Variants in TSPAN18 observed in about 807,000 individuals in gnomAD.
TSPAN18 encodes the protein tetraspanin 18.
A neutral mutation model predicts 27.3 loss-of-function variants in TSPAN18; 14 were observed. The observed-to-expected ratio is 0.51, with a 90% CI of 0.34 to 0.80. The LOEUF (loss-of-function observed/expected upper bound fraction) is 0.80, where lower values mean the gene tolerates loss of function less well. Among genes scored for constraint, TSPAN18 ranks in the 30% least tolerant of loss-of-function variants. The pLI is 0.01. For missense variants in TSPAN18, 268 were observed against 323.9 expected (o/e 0.83, Z 1.32); for synonymous variants, 143 against 136.5 (o/e 1.05, Z -0.33).
intron 2 of TSPAN18, among the ~76,000 whole-genome samples, chr11:44,835,610 CA>C (rs1338094241): frequency 1.3e-4 from 20 of 151,092 alleles, no homozygotes; most frequent in Non-Finnish European, 2.8e-4. Flanking sequence ...TTCTCACAAA[CA>C]CATTGTATTT....
intron 1 of TSPAN18, among the ~76,000 whole-genome samples, chr11:44,752,461 C>T (rs1855234432): frequency 6.6e-6 from 1 of 152,098 alleles, no homozygotes; most frequent in African/African-American, 2.4e-5. Context: ...GGCAACAGAG[C>T]ACCTTTCTGT....
chr11:44,880,443 G>A (rs1172912429), intron 3 of TSPAN18, among the ~76,000 whole-genome samples: 1 of 152,212 alleles, frequency 6.6e-6, no homozygotes, highest in African/African-American at 2.4e-5. Context: ...AAATGAGGAT[G>A]ATAGTGATGT....
At chr11:44,807,262 C>A (rs1230305728) in intron 2 of TSPAN18, among the ~76,000 whole-genome samples, 1 of 141,604 alleles carries the variant, frequency 7.1e-6, no homozygotes, top group Non-Finnish European at 1.5e-5. Flanking sequence ...GGCACCGTGG[C>A]TCATGCCTAT....
At chr11:44,734,630 C>T (rs1854743367) in intron 1 of TSPAN18, among the ~76,000 whole-genome samples, 1 of 152,236 alleles carries the variant, frequency 6.6e-6, no homozygotes, top group East Asian at 1.9e-4. Flanking sequence ...TTCCCAGCAA[C>T]CTTGGGCTGG....
At chr11:44,864,332 C>A (rs1407038209) in intron 3 of TSPAN18, among the ~76,000 whole-genome samples, 1 of 150,932 alleles carries the variant, frequency 6.6e-6, no homozygotes, top group African/African-American at 2.4e-5. Context: ...GGGTGTCACA[C>A]CCCTCCCATC....
chr11:44,742,149 G>A (rs1004863927), intron 1 of TSPAN18, among the ~76,000 whole-genome samples: 6 of 152,082 alleles, frequency 3.9e-5, no homozygotes, highest in African/African-American at 1.4e-4. Flanking sequence ...CTGAAGCATA[G>A]CAAGACCTGG....
intron 2 of TSPAN18, among the ~76,000 whole-genome samples, chr11:44,776,285 C>T (rs560262174): frequency 2.6e-4 from 40 of 152,282 alleles, no homozygotes; most frequent in African/African-American, 9.4e-4. Context: ...AAGATTGGCC[C>T]GAGTCACATC....
At chr11:44,779,559 A>G (rs1173059784) in intron 2 of TSPAN18, among the ~76,000 whole-genome samples, 2 of 152,292 alleles carry the variant, frequency 1.3e-5, no homozygotes, top group Admixed American at 1.3e-4. Context: ...GTATACCACC[A>G]TGGCCTTGTG....
intron 5 of TSPAN18, among the ~76,000 whole-genome samples, chr11:44,910,407 C>T (rs1859665293): frequency 6.6e-6 from 1 of 152,232 alleles, no homozygotes; most frequent in South Asian, 2.1e-4. Context: ...CTTGGTGGCC[C>T]CAGCTTCCAG....
At chr11:44,764,799 C>T (rs1855529589) in intron 2 of TSPAN18, among the ~76,000 whole-genome samples, 1 of 152,128 alleles carries the variant, frequency 6.6e-6, no homozygotes, top group Admixed American at 6.5e-5. Context: ...CCTGGGGGCT[C>T]CAGGCAGGGT....
At position 44,747,888 on chromosome 11, in the gene TSPAN18, G is replaced by A. The variant is rs139416863; in HGVS notation, c.-239-16538G>A. Among the ~76,000 whole-genome samples, 8 of 152,156 alleles carry A rather than the reference G, an allele frequency of 5.3e-5. No individual in the cohort carries two copies. In the East Asian group the frequency reaches 1.2e-3, roughly 22 times the overall value. On this transcript the variant is annotated intron_variant, in intron 1 of 9. Transcript: ENST00000520358. ...TTCCACTACACACACACACAAACAC[G>A]TATGTGTGGTCATTCTCACACTCAA...
intron 1 of TSPAN18, among the ~76,000 whole-genome samples, chr11:44,734,838 A>G (rs1854750943): frequency 2.6e-5 from 4 of 152,154 alleles, no homozygotes; most frequent in Non-Finnish European, 5.9e-5. Context: ...AGCGTGCTCT[A>G]GTGGGCCAAG....
At position 44,898,383 on chromosome 11, in the gene TSPAN18, T is replaced by C. The variant is rs528315935; in HGVS notation, c.-10-8024T>C. On this transcript the variant is annotated intron_variant, in intron 3 of 9. Coordinates refer to ENST00000520358, the MANE Select transcript of TSPAN18 (RefSeq NM_130783.5). ...CTTTGACGATTAAGAACTTCTTTTA[T>C]TGATATGCTGGTGATGTAAGTTACA... is the stretch of plus-strand genomic sequence containing the variant. Among the ~76,000 whole-genome samples the C allele has an allele frequency of 2.6e-5, 4 of 152,344 alleles. 1 individual carries two copies. Among genetic ancestry groups the C allele is most frequent in the African/African-American group, 9.6e-5 (4 of 41,574 alleles).
At chr11:44,903,701 G>T (rs1350382467) in intron 3 of TSPAN18, 1 of 455,414 alleles carries the variant, frequency 2.2e-6, no homozygotes, top group Non-Finnish European at 4.4e-6. Context: ...TACCTCCAAA[G>T]GCAGATGGCA....
chr11:44,903,838 T>C (rs1169191899), intron 3 of TSPAN18: 1 of 456,698 alleles, frequency 2.2e-6, no homozygotes, highest in Non-Finnish European at 4.4e-6. Context: ...CACCACTCAC[T>C]AGCTGTGACC....
chr11:44,837,712 C>G (rs1857291490), intron 2 of TSPAN18, among the ~76,000 whole-genome samples: 1 of 152,212 alleles, frequency 6.6e-6, no homozygotes, highest in African/African-American at 2.4e-5. Flanking sequence ...AACCACTGCC[C>G]TGATCAGTCA....
chr11:44,818,429 C>G (rs993308238), intron 2 of TSPAN18, among the ~76,000 whole-genome samples: 5 of 152,206 alleles, frequency 3.3e-5, no homozygotes, highest in Admixed American at 2.0e-4. Context: ...CCCCAGCTGT[C>G]CAGAGAGCAT....
At chr11:44,782,085 T>A (rs1302174280) in intron 2 of TSPAN18, among the ~76,000 whole-genome samples, 1 of 152,264 alleles carries the variant, frequency 6.6e-6, no homozygotes, top group African/African-American at 2.4e-5. Context: ...GTGTATCCAT[T>A]CACCCTTTGA....
chr11:44,854,733 C>T (rs1367454556), intron 2 of TSPAN18, among the ~76,000 whole-genome samples: 1 of 152,182 alleles, frequency 6.6e-6, no homozygotes, highest in East Asian at 1.9e-4. Context: ...CCCTGTTTCT[C>T]ACCTGGATCC....
Sources: allele counts gnomAD v4.1 joint callset (sites outside exome capture counted in the v4.1 genomes callset), GRCh38; gene constraint gnomAD v4.1.1; transcripts MANE v1.5; gene names NCBI Gene and HGNC (gene_info 2026-07-23, HGNC 2026-07-21).